Variants in RFX4 observed in about 807,000 individuals in gnomAD.
RFX4 encodes transcription factor RFX4.
A neutral mutation model predicts 95.0 loss-of-function variants in RFX4; 10 were observed. The ratio of observed to expected loss-of-function variants is 0.11; its 90% CI spans 0.06 to 0.18. The LOEUF (loss-of-function observed/expected upper bound fraction) is 0.18, where lower values mean the gene tolerates loss of function less well. RFX4 is among the 10% of genes least tolerant of loss of function. The probability of loss-of-function intolerance (pLI) is 1.00; values close to 1 mark genes in which losing one functional copy is unlikely to be tolerated. For synonymous variants in RFX4, 321 were observed against 340.7 expected (o/e 0.94, Z 0.64); for missense variants, 640 against 922.0 (o/e 0.69, Z 3.96).
intron 1 of RFX4, among the ~76,000 whole-genome samples, chr12:106,590,093 G>A (rs1284451763): frequency 6.6e-6 from 1 of 152,198 alleles, no homozygotes; most frequent in Non-Finnish European, 1.5e-5. Context: ...TTAGCAATAT[G>A]AAGGAAAAAA....
chr12:106,742,839 T>C (rs2042829950), intron 15 of RFX4, among the ~76,000 whole-genome samples: 1 of 152,238 alleles, frequency 6.6e-6, no homozygotes, highest in East Asian at 1.9e-4. Flanking sequence ...CAAAAGGTTG[T>C]TGTCAAGACT....
chr12:106,584,190 G>T (rs1056191207), intron 1 of RFX4, among the ~76,000 whole-genome samples: 1 of 152,116 alleles, frequency 6.6e-6, no homozygotes, highest in African/African-American at 2.4e-5. Context: ...GAAAACACCC[G>T]GTATCTCGGT....
At chr12:106,710,624 G>A (rs946442927) in intron 9 of RFX4, among the ~76,000 whole-genome samples, 6 of 152,114 alleles carry the variant, frequency 3.9e-5, no homozygotes, top group African/African-American at 1.2e-4. Flanking sequence ...TAATTATGCC[G>A]ACAAAACAAA....
At chr12:106,674,859 C>T (rs1373738179) in intron 4 of RFX4, among the ~76,000 whole-genome samples, 2 of 152,172 alleles carry the variant, frequency 1.3e-5, no homozygotes, top group Admixed American at 1.3e-4. Flanking sequence ...GAATGAATCC[C>T]TGCTTTGTAC....
At position 106,744,405 on chromosome 12, in the gene RFX4, C is replaced by T. The variant is rs181649496; in HGVS notation, c.1634-3032C>T. Reference sequence around the variant, plus strand: ...CTGTTGCTATTCAAATGTTTCATCCCTGGTAATAGAATCTCACCCAAGAAA... The same window carrying T: ...CTGTTGCTATTCAAATGTTTCATCCTTGGTAATAGAATCTCACCCAAGAAA... On this transcript the variant is annotated intron_variant, in intron 15 of 17. Transcript: ENST00000392842. Among the ~76,000 whole-genome samples, 277 of 152,294 alleles carry T rather than the reference C, an allele frequency of 1.8e-3. 1 individual carries two copies. The highest frequency in any genetic ancestry group is 1.6e-3 in the Non-Finnish European group (109 of 68,022).
At chr12:106,595,611 C>T (rs2039607228) in intron 1 of RFX4, among the ~76,000 whole-genome samples, 1 of 152,198 alleles carries the variant, frequency 6.6e-6, no homozygotes, top group Admixed American at 6.5e-5. Context: ...TTCCCACCTG[C>T]CAGTTACTTT....
chr12:106,675,684 A>G lies in RFX4; in HGVS notation c.316-6309A>G, dbSNP rs192527107. Among the ~76,000 whole-genome samples, 40 of 152,336 alleles carry G rather than the reference A, an allele frequency of 2.6e-4. 1 individual carries two copies. Among genetic ancestry groups the G allele is most frequent in the African/African-American group, 9.1e-4 (38 of 41,578 alleles). ...ACTACGGTCACCCAACAAGTGGCCC[A>G]GGGAAAGTTTCTAGGAGGAAATAAG... On this transcript the variant is annotated intron_variant, in intron 4 of 17. Coordinates refer to ENST00000392842, the MANE Select transcript of RFX4 (RefSeq NM_213594.3).
At chr12:106,740,908 T>A (rs1195330663) in intron 15 of RFX4, among the ~76,000 whole-genome samples, 3 of 152,172 alleles carry the variant, frequency 2.0e-5, no homozygotes, top group Non-Finnish European at 2.9e-5. Context: ...GAACTTTCTA[T>A]GCGACGGGGA....
At chr12:106,703,232 G>A (rs2042023883) in intron 8 of RFX4, among the ~76,000 whole-genome samples, 1 of 152,140 alleles carries the variant, frequency 6.6e-6, no homozygotes, top group Non-Finnish European at 1.5e-5. Context: ...ATGGTTTAAA[G>A]AAAAGTTATA....
At position 106,586,197 on chromosome 12, in the gene RFX4, A is replaced by G. The variant is rs2039455211; in HGVS notation, c.43+2834A>G. Among the ~76,000 whole-genome samples the G allele has an allele frequency of 6.6e-6, 1 of 152,082 alleles. No individual in the cohort carries two copies. Among genetic ancestry groups the G allele is most frequent in the East Asian group, 1.9e-4 (1 of 5,136 alleles). On this transcript the variant is annotated intron_variant, in intron 1 of 17. Transcript: ENST00000392842. The surrounding 1 kb of genome is among the most constrained non-coding windows in gnomAD (Gnocchi z 5.6). ...AAAGGCGACAGGCGCGCGCAGGGGC[A>G]GTCGACGCACCTTCTGGCCGGTGCG...
chr12:106,666,515 C>CT (rs954329022), intron 4 of RFX4, among the ~76,000 whole-genome samples: 4 of 152,046 alleles, frequency 2.6e-5, no homozygotes, highest in Non-Finnish European at 5.9e-5. Flanking sequence ...TCTTTTCTCT[C>CT]TTTTTTTCTC....
intron 8 of RFX4, among the ~76,000 whole-genome samples, chr12:106,706,658 C>T (rs115364470): frequency 2.0e-5 from 3 of 152,204 alleles, no homozygotes; most frequent in Admixed American, 6.5e-5. Context: ...AGAACTCAAC[C>T]AAATCAGAGT....
At chr12:106,689,097 A>C (rs1171665511) in intron 6 of RFX4, among the ~76,000 whole-genome samples, 190 bp from the exon 7 acceptor site, 2 of 152,308 alleles carry the variant, frequency 1.3e-5, no homozygotes, top group Admixed American at 6.5e-5. Flanking sequence ...AGCACAGAGG[A>C]GGGAGCCAAG....
intron 2 of RFX4, among the ~76,000 whole-genome samples, chr12:106,623,416 T>C (rs12315452): frequency 0.31 from 47,590 of 151,974 alleles, 8,006 homozygotes; most frequent in African/African-American, 0.43. Flanking sequence ...GGAGATTTCA[T>C]AATTTGCCAG....
chr12:106,718,380 A>C lies in RFX4; in HGVS notation c.1139-1580A>C, dbSNP rs547922656. ...ATAGTGAAGTGGTTAGGAGGCAAGC[A>C]CTTGAGTCAGGATGTGTTTGAATCT... On this transcript the variant is annotated intron_variant, in intron 11 of 17. Coordinates refer to ENST00000392842, the MANE Select transcript of RFX4 (RefSeq NM_213594.3). 2.4e-4 allele frequency among the ~76,000 whole-genome samples: 36 copies of C among 152,360 alleles called. 1 individual carries two copies. The East Asian group carries it at 6.2e-3, about 26-fold the overall frequency.
chr12:106,684,280 T>A (rs985241345), intron 5 of RFX4, among the ~76,000 whole-genome samples: 1 of 152,062 alleles, frequency 6.6e-6, no homozygotes, highest in African/African-American at 2.4e-5. Flanking sequence ...GGCAGGAGAA[T>A]TGCTTGAAGC....
intron 11 of RFX4, among the ~76,000 whole-genome samples, chr12:106,718,930 G>GA (rs2042343517): frequency 7.0e-6 from 1 of 142,630 alleles, no homozygotes; most frequent in African/African-American, 2.6e-5. Context: ...CTAACACAGT[G>GA]AAACCCCGTC....
rs201400554 is a variant in RFX4, at chr12:106,720,927, C to T, written c.1351+51C>T. The stretch of plus-strand genomic sequence containing the variant: ...CTCCAAGCACTTTTTCCTCTGGGCA[C>T]GGAGCCCAGAGGAATCTACCACAGT... On this transcript the variant is annotated intron_variant, in intron 13 of 17. Transcript: ENST00000392842. This position sits in a 1 kb window ranked among gnomAD's most constrained non-coding sequence, Gnocchi z 4.2. 9.1e-4 allele frequency: 1,382 copies of T among 1,519,706 alleles called. 1 individual carries two copies. Among genetic ancestry groups the T allele is most frequent in the Non-Finnish European group, 1.1e-3 (1,246 of 1,096,184 alleles). The allele number at this position is 1,519,706 out of a possible 1,614,324, so 94.1% of individuals were successfully genotyped here.
In RFX4 at chr12:106,732,316, T is replaced by G. The variant is rs1272042832; in HGVS notation, c.1471+67T>G. 3.8e-6 allele frequency: 6 copies of G among 1,583,502 alleles called. No individual in the cohort carries two copies. In the Admixed American group the frequency reaches 1.1e-4, roughly 28 times the overall value. On this transcript the variant is annotated intron_variant, in intron 14 of 17. Coordinates refer to ENST00000392842, the MANE Select transcript of RFX4 (RefSeq NM_213594.3). ...TTATTTGTATCCTTACTTCTGTGCT[T>G]TATGTTTCTTTAACTCTGTATCTCA...
Sources: gnomAD v4.1 joint callset for allele counts (sites outside exome capture counted in the v4.1 genomes callset) on GRCh38, gnomAD v4.1.1 for gene constraint, Gnocchi (gnomAD v3.1) non-coding constraint, MANE v1.5 for transcripts, NCBI Gene and HGNC (gene_info 2026-07-23, HGNC 2026-07-21) for gene names.